Variants in CTNNA3 observed in about 807,000 individuals in gnomAD.
CTNNA3 encodes catenin alpha 3.
CTNNA3 carries 76 observed loss-of-function variants against 95.7 expected under a neutral mutation model. That is an observed-to-expected ratio of 0.79 (90% CI 0.66 to 0.96). The LOEUF is 0.96. Among genes scored for constraint, CTNNA3 ranks in the 40% least tolerant of loss-of-function variants. CTNNA3 has a pLI of 0.00. For synonymous variants in CTNNA3, 431 were observed against 374.4 expected, an observed-to-expected ratio of 1.15 and a Z score of -1.74; for missense variants, 1,191 against 1,089.8, an observed-to-expected ratio of 1.09 and a Z score of -1.31.
chr10:67,733,364 G>A (rs1841286686), intron 1 of CTNNA3, among the ~76,000 whole-genome samples: 2 of 152,088 alleles, frequency 1.3e-5, no homozygotes, highest in African/African-American at 4.8e-5. Flanking sequence ...ATGCGTTAAA[G>A]GTATTTCAGA....
intron 12 of CTNNA3, among the ~76,000 whole-genome samples, chr10:66,369,102 C>G (rs2092733978): frequency 6.6e-6 from 1 of 152,086 alleles, no homozygotes; most frequent in African/African-American, 2.4e-5. Context: ...TGCAAGATAG[C>G]ACTGGGTTAC....
intron 7 of CTNNA3, among the ~76,000 whole-genome samples, chr10:66,843,211 A>G (rs2132353922): frequency 6.6e-6 from 1 of 152,314 alleles, no homozygotes; most frequent in Middle Eastern, 3.4e-3. Flanking sequence ...TTTATAAATG[A>G]GAAAACCAAG....
At chr10:66,657,023 T>G (rs948571397) in intron 9 of CTNNA3, among the ~76,000 whole-genome samples, 11 of 152,098 alleles carry the variant, frequency 7.2e-5, no homozygotes, top group African/African-American at 2.7e-4. Context: ...AATTTGAAGT[T>G]TTTCTCTGAG....
At chr10:67,122,639 T>A (rs981371827) in intron 7 of CTNNA3, among the ~76,000 whole-genome samples, 1 of 152,140 alleles carries the variant, frequency 6.6e-6, no homozygotes, top group Non-Finnish European at 1.5e-5. Context: ...GGAGCATTAT[T>A]ACTTATTTTG....
rs530734314 is a variant in CTNNA3 at position 65,951,903 on chromosome 10, A to G, written c.2400+14709T>C. Among the ~76,000 whole-genome samples the G allele has an allele frequency of 4.3e-4, 65 of 152,024 alleles. 1 individual carries two copies. In the East Asian group the frequency reaches 8.8e-3, roughly 21 times the overall value. ...AAATTAGCCGGGCGTGATGGCGGGC[A>G]CCTGTAGTCCCAGCTACTTAGGAGG... On this transcript the variant is annotated intron_variant, in intron 17 of 17. Transcript: ENST00000433211.
At chr10:66,872,010 TA>T (rs1844428369) in intron 7 of CTNNA3, among the ~76,000 whole-genome samples, 1 of 152,202 alleles carries the variant, frequency 6.6e-6, no homozygotes, top group South Asian at 2.1e-4. Flanking sequence ...CTATATTCTC[TA>T]TTGAAACACT....
At chr10:67,520,959 C>T (rs773959011) in intron 5 of CTNNA3, among the ~76,000 whole-genome samples, 2 of 152,164 alleles carry the variant, frequency 1.3e-5, no homozygotes, top group Non-Finnish European at 2.9e-5. Flanking sequence ...CTCAAGTGAT[C>T]GACTCGAGGC....
At chr10:67,562,430 A>T (rs1289757728) in intron 3 of CTNNA3, among the ~76,000 whole-genome samples, 4 of 152,212 alleles carry the variant, frequency 2.6e-5, no homozygotes, top group Non-Finnish European at 5.9e-5. Context: ...CTTTCACAAA[A>T]TTCAACAACC....
At position 66,418,300 on chromosome 10, in the gene CTNNA3, A is replaced by G. The variant is rs200337149; in HGVS notation, c.1532-38948T>C. 7.2e-5 allele frequency among the ~76,000 whole-genome samples: 11 copies of G among 151,768 alleles called. No homozygotes were observed. In the East Asian group the frequency reaches 1.4e-3, roughly 19 times the overall value. ...AGTAGATACATTGCTAGAAACATACATACAACTTACCAAGATTGAATCAGG... is the reference window on the plus strand; with the variant it reads ...AGTAGATACATTGCTAGAAACATACGTACAACTTACCAAGATTGAATCAGG... On this transcript the variant is annotated intron_variant, in intron 11 of 17. Transcript: ENST00000433211.
At chr10:66,048,371 G>A (rs1488837756) in intron 15 of CTNNA3, among the ~76,000 whole-genome samples, 1 of 152,104 alleles carries the variant, frequency 6.6e-6, no homozygotes. Flanking sequence ...AATAAGCAAT[G>A]GGGGAATGAC....
chr10:66,925,256 T>C (rs550955461), intron 7 of CTNNA3, among the ~76,000 whole-genome samples: 3 of 152,272 alleles, frequency 2.0e-5, no homozygotes, highest in East Asian at 3.9e-4. Context: ...GAGGTTATAA[T>C]AGGACCCACA....
At position 67,199,430 on chromosome 10, in the gene CTNNA3, C is replaced by T. The variant is rs1435675922; in HGVS notation, c.844-18910G>A. ...TGTTGCCCAGGCTGGAATGCAGTGG[C>T]GCATTCTTGGCTCTCTGCAACCTCC... On this transcript the variant is annotated intron_variant, in intron 6 of 17. Coordinates refer to ENST00000433211, the MANE Select transcript of CTNNA3 (RefSeq NM_013266.4). 5.3e-5 allele frequency among the ~76,000 whole-genome samples: 8 copies of T among 152,136 alleles called. No homozygotes were observed. In the South Asian group the frequency reaches 1.0e-3, roughly 20 times the overall value.
chr10:66,199,463 CA>C (rs34304963), intron 13 of CTNNA3, among the ~76,000 whole-genome samples: 21 of 143,216 alleles, frequency 1.5e-4, no homozygotes, highest in Admixed American at 2.1e-4. Context: ...TTTTAACAAG[CA>C]AAAAAAAAAG....
At chr10:66,766,960 A>C (rs1274405552) in intron 8 of CTNNA3, among the ~76,000 whole-genome samples, 1 of 152,066 alleles carries the variant, frequency 6.6e-6, no homozygotes, top group Non-Finnish European at 1.5e-5. Flanking sequence ...ATTTGCATTC[A>C]TTGTTCTTGC....
At chr10:66,663,785 A>C (rs1161681291) in intron 9 of CTNNA3, among the ~76,000 whole-genome samples, 1 of 152,190 alleles carries the variant, frequency 6.6e-6, no homozygotes, top group Non-Finnish European at 1.5e-5. Context: ...CTAGAGCAAA[A>C]TTAAGAAAAG....
At chr10:66,138,535 A>G (rs2083461318) in intron 13 of CTNNA3, among the ~76,000 whole-genome samples, 1 of 152,144 alleles carries the variant, frequency 6.6e-6, no homozygotes, top group Non-Finnish European at 1.5e-5. Flanking sequence ...TCCTTATTTA[A>G]AAGACGAATT....
chr10:67,644,558 T>A (rs897222711), intron 2 of CTNNA3, among the ~76,000 whole-genome samples: 1 of 151,988 alleles, frequency 6.6e-6, no homozygotes, highest in Non-Finnish European at 1.5e-5. Flanking sequence ...TTATACATGA[T>A]CAAAGTGACA....
intron 10 of CTNNA3, among the ~76,000 whole-genome samples, chr10:66,597,507 CATACATATATATATATATATATATATAT>C (rs1219179426): frequency 2.5e-5 from 2 of 79,616 alleles, no homozygotes; most frequent in African/African-American, 9.8e-5. Context: ...CATTTTATTT[CATACATATATATATATATATATATATAT>C]ATATATATAT....
At chr10:66,794,538 T>C (rs1046470083) in intron 7 of CTNNA3, among the ~76,000 whole-genome samples, 20 of 152,156 alleles carry the variant, frequency 1.3e-4, no homozygotes, top group African/African-American at 4.3e-4. Context: ...CATATGAGCC[T>C]TCAGCAAGTC....
Sources: gnomAD v4.1 joint callset for allele counts (sites outside exome capture counted in the v4.1 genomes callset) on GRCh38, gnomAD v4.1.1 for gene constraint, MANE v1.5 for transcripts, NCBI Gene and HGNC (gene_info 2026-07-23, HGNC 2026-07-21) for gene names.